Variants in BOLL observed in about 807,000 individuals in gnomAD.
BOLL encodes the protein protein boule-like.
BOLL carries 23 observed loss-of-function variants against 44.4 expected under a neutral mutation model. That is an observed-to-expected ratio of 0.52 (90% CI 0.37 to 0.73). The LOEUF (loss-of-function observed/expected upper bound fraction) is 0.73. Ranked by LOEUF, BOLL falls within the 30% of genes least tolerant of loss-of-function variation. The probability of loss-of-function intolerance (pLI) is 0.00; values close to 1 mark genes in which losing one functional copy is unlikely to be tolerated. For missense variants in BOLL, 287 were observed against 338.3 expected (o/e 0.85, Z 1.19); for synonymous variants, 97 against 110.8 (o/e 0.88, Z 0.78).
intron 5 of BOLL, among the ~76,000 whole-genome samples, chr2:197,773,462 A>G (rs538417699): frequency 6.6e-6 from 1 of 151,996 alleles, no homozygotes; most frequent in African/African-American, 2.4e-5. Flanking sequence ...TACACAATTA[A>G]TTAATTAAAT....
At chr2:197,737,279 C>A (rs541870079) in intron 10 of BOLL, among the ~76,000 whole-genome samples, 1 of 152,106 alleles carries the variant, frequency 6.6e-6, no homozygotes, top group East Asian at 1.9e-4. Flanking sequence ...ATAATACATA[C>A]TTTTCTGTTT....
At chr2:197,785,339 C>A (rs113453408), upstream of BOLL, 54 of 985,862 alleles carry the variant, frequency 5.5e-5, 3 homozygotes, top group African/African-American at 5.8e-4. This position sits in a 1 kb window ranked among gnomAD's most constrained non-coding sequence, Gnocchi z 6.7. Context: ...CCTCGCGCGG[C>A]GCTCCCTGAT....
intron 10 of BOLL, among the ~76,000 whole-genome samples, chr2:197,740,771 C>A (rs562781947): frequency 6.6e-6 from 1 of 152,196 alleles, no homozygotes; most frequent in South Asian, 2.1e-4. Context: ...TTAATGGGTG[C>A]ACAGAGTTTC....
In BOLL at chr2:197,781,727, A is replaced by C; in HGVS notation, c.124T>G (p.Phe42Val). The stretch of plus-strand genomic sequence containing the variant: ...CTGCATGCATAAATAGGTACCTTAA[A>C]ATCAATTCCTCCTACAAAGATGCGA... ...PNRIFVGGID[F>V]KTNESDLRKF... The change falls in exon 2 of 11, where the codon TTT (phenylalanine) becomes GTT (valine). Residue 42 changes from phenylalanine to valine, a missense_variant. Physicochemically the swap from Phe to Val is conservative, Grantham distance 50. Coordinates refer to ENST00000392296, the MANE Select transcript of BOLL (RefSeq NM_033030.6). The C allele has an allele frequency of 6.5e-7, 1 of 1,550,290 alleles. No individual in the cohort carries two copies. The highest frequency in any genetic ancestry group is 8.8e-7 in the Non-Finnish European group (1 of 1,139,208).
At chr2:197,779,416 C>T (rs1477990655) in intron 2 of BOLL, among the ~76,000 whole-genome samples, 1 of 151,884 alleles carries the variant, frequency 6.6e-6, no homozygotes, top group African/African-American at 2.4e-5. Flanking sequence ...AGTAAGGGTA[C>T]AATACTATTT....
chr2:197,765,179 G>C (rs1574848866), intron 7 of BOLL, among the ~76,000 whole-genome samples: 1 of 152,020 alleles, frequency 6.6e-6, no homozygotes, highest in African/African-American at 2.4e-5. Flanking sequence ...GAGACTTAGG[G>C]AGAAGGAGTA....
At chr2:197,729,333 G>A (rs1234600770) in intron 10 of BOLL, among the ~76,000 whole-genome samples, 1 of 152,216 alleles carries the variant, frequency 6.6e-6, no homozygotes, top group African/African-American at 2.4e-5. Flanking sequence ...GAGTCTCGCT[G>A]ATTGCTAGCA....
intron 6 of BOLL, among the ~76,000 whole-genome samples, chr2:197,771,028 G>T (rs1299570975): frequency 1.3e-5 from 2 of 152,022 alleles, no homozygotes; most frequent in East Asian, 3.9e-4. Context: ...AAATCATGCT[G>T]CTATAAAGAA....
At chr2:197,737,038 C>G (rs1461269987) in intron 10 of BOLL, among the ~76,000 whole-genome samples, 1 of 151,942 alleles carries the variant, frequency 6.6e-6, no homozygotes, top group Non-Finnish European at 1.5e-5. Context: ...TCCATCATGT[C>G]AATAGTTTTT....
At chr2:197,751,288 A>G (rs1002119619) in intron 9 of BOLL, among the ~76,000 whole-genome samples, 2 of 152,170 alleles carry the variant, frequency 1.3e-5, no homozygotes, top group Non-Finnish European at 2.9e-5. Flanking sequence ...GACAAGAAAT[A>G]ACTATATTAG....
chr2:197,771,371 T>C (rs914468120), intron 6 of BOLL, among the ~76,000 whole-genome samples: 1 of 135,890 alleles, frequency 7.4e-6, no homozygotes, highest in African/African-American at 2.6e-5. Context: ...GGGGGAGGGA[T>C]AGCATTAGGA....
chr2:197,761,902 A>G (rs915223096), intron 7 of BOLL, among the ~76,000 whole-genome samples: 2 of 69,528 alleles, frequency 2.9e-5, no homozygotes, highest in South Asian at 3.8e-4. Flanking sequence ...GCAAGAGAAT[A>G]TAACAATGTA....
chr2:197,748,626 G>A (rs1220124372), intron 9 of BOLL, among the ~76,000 whole-genome samples: 3 of 152,092 alleles, frequency 2.0e-5, no homozygotes, highest in Non-Finnish European at 2.9e-5. Flanking sequence ...TGGGAAGTTC[G>A]GACTGGGCAG....
chr2:197,782,011 T>A (rs1276212616), intron 1 of BOLL, 146 bp from the exon 2 acceptor site: 6 of 576,190 alleles, frequency 1.0e-5, no homozygotes, highest in Non-Finnish European at 1.6e-5. Flanking sequence ...ATTATAAAAA[T>A]TATAATTAGA....
At chr2:197,767,279 G>A (rs1689041820) in intron 6 of BOLL, among the ~76,000 whole-genome samples, 1 of 151,804 alleles carries the variant, frequency 6.6e-6, no homozygotes, top group Non-Finnish European at 1.5e-5. Context: ...TAGTAAAACT[G>A]GCTCTAATGT....
chr2:197,750,152 A>C (rs376620398), intron 9 of BOLL, among the ~76,000 whole-genome samples: 18 of 152,324 alleles, frequency 1.2e-4, no homozygotes, highest in Non-Finnish European at 2.5e-4. Flanking sequence ...AGGAAGTACT[A>C]AATATGGAAA....
Position 197,728,474 on chromosome 2 carries a change from G to C in BOLL, c.*81C>G, listed in dbSNP as rs750212977. ...TTTCACAACGGGCAGCTTCTAGCTG[G>C]TTCGTTGAAGCTGGATCTCGGCCAC... is the stretch of plus-strand genomic sequence containing the variant. On this transcript the variant is annotated 3_prime_UTR_variant, in exon 11 of 11. Coordinates refer to ENST00000392296, the MANE Select transcript of BOLL (RefSeq NM_033030.6). 1 of 1,608,502 alleles carries C rather than the reference G, an allele frequency of 6.2e-7. No individual in the cohort carries two copies. The highest frequency in any genetic ancestry group is 1.1e-5 in the South Asian group (1 of 90,904).
intron 7 of BOLL, among the ~76,000 whole-genome samples, chr2:197,763,446 C>T (rs1688853527): frequency 7.0e-6 from 1 of 141,914 alleles, no homozygotes; most frequent in African/African-American, 2.7e-5. Flanking sequence ...TGCACCACTG[C>T]ACACTCCAGC....
At chr2:197,784,695 T>C in intron 1 of BOLL, 1 of 983,352 alleles carries the variant, frequency 1.0e-6, no homozygotes, top group Non-Finnish European at 1.2e-6. Context: ...CCCAAAGTGC[T>C]GGGATTACAG....
Sources: allele counts gnomAD v4.1 joint callset (sites outside exome capture counted in the v4.1 genomes callset), GRCh38; gene constraint gnomAD v4.1.1; non-coding constraint Gnocchi (gnomAD v3.1); transcripts MANE v1.5; gene names NCBI Gene and HGNC (gene_info 2026-07-23, HGNC 2026-07-21).